CPXM2: variants seen among roughly 807,000 people sequenced by gnomAD.
The protein encoded by CPXM2 is carboxypeptidase X, M14 family member 2.
Under a neutral mutation model 86.1 loss-of-function variants are expected in CPXM2, and 66 were observed. The ratio of observed to expected loss-of-function variants is 0.77; its 90% CI spans 0.63 to 0.94. CPXM2 has a LOEUF of 0.94. CPXM2 is among the 40% of genes least tolerant of loss of function. The probability of loss-of-function intolerance (pLI) is 0.00; values close to 1 mark genes in which losing one functional copy is unlikely to be tolerated. For missense variants in CPXM2, 948 were observed against 1,026.3 expected, an observed-to-expected ratio of 0.92 and a Z score of 1.04; for synonymous variants, 388 against 400.2, an observed-to-expected ratio of 0.97 and a Z score of 0.36.
intron 2 of CPXM2, among the ~76,000 whole-genome samples, chr10:123,863,656 A>T (rs929198203): frequency 6.6e-6 from 1 of 152,158 alleles, no homozygotes; most frequent in African/African-American, 2.4e-5. Context: ...CTCACACGAC[A>T]TACTCAGAAA....
intron 2 of CPXM2, among the ~76,000 whole-genome samples, chr10:123,863,457 C>T (rs1254927661): frequency 6.6e-6 from 1 of 152,194 alleles, no homozygotes; most frequent in Non-Finnish European, 1.5e-5. Flanking sequence ...GCCAACCACC[C>T]GAGGCTGACC....
chr10:123,794,757 G>GCA (rs1847289560), intron 6 of CPXM2, among the ~76,000 whole-genome samples: 3 of 150,950 alleles, frequency 2.0e-5, no homozygotes, highest in South Asian at 2.1e-4. Flanking sequence ...GTGTGTGTGT[G>GCA]TGTGTGTGTG....
intron 4 of CPXM2, among the ~76,000 whole-genome samples, chr10:123,828,887 T>C (rs1289284532): frequency 6.6e-6 from 1 of 152,220 alleles, no homozygotes; most frequent in Non-Finnish European, 1.5e-5. Context: ...TTTAAAACTT[T>C]TGCTCTGCAA....
intron 6 of CPXM2, among the ~76,000 whole-genome samples, chr10:123,795,612 T>A (rs1324064983): frequency 2.0e-5 from 3 of 152,060 alleles, no homozygotes; most frequent in African/African-American, 7.2e-5. Context: ...TTTGGGCCCC[T>A]GAGCTGCCCC....
At chr10:123,855,148 C>T (rs1848692991) in intron 3 of CPXM2, among the ~76,000 whole-genome samples, 1 of 151,906 alleles carries the variant, frequency 6.6e-6, no homozygotes, top group Admixed American at 6.6e-5. Context: ...TCCAAATACC[C>T]AAAATTCCAG....
intron 2 of CPXM2, among the ~76,000 whole-genome samples, chr10:123,872,988 G>C (rs1944917847): frequency 6.6e-6 from 1 of 151,540 alleles, no homozygotes; most frequent in African/African-American, 2.4e-5. Flanking sequence ...AGGCCAAATA[G>C]CAAGAAAACT....
intron 7 of CPXM2, among the ~76,000 whole-genome samples, chr10:123,779,935 A>C (rs1846893658): frequency 6.6e-6 from 1 of 152,208 alleles, no homozygotes; most frequent in African/African-American, 2.4e-5. Context: ...AACTGAGAAG[A>C]ACCTGGATTC....
At position 123,767,074 on chromosome 10, in the gene CPXM2, T is replaced by C. The variant is rs1368427272; in HGVS notation, c.1378A>G (p.Asn460Asp). The change falls in exon 10 of 14, where the codon AAC becomes GAC. Residue 460 changes from asparagine (N) to aspartate (D), a missense_variant. Coordinates refer to ENST00000241305, the MANE Select transcript of CPXM2 (RefSeq NM_198148.3). ...IDINNNFPDL[N>D]TLLWEAEDRQ... ...TCCTCTGCCTCCCAGAGCAGCGTGT[T>C]TAAATCAGGAAAGTTGTTGTTGATG... 4 of 1,614,154 alleles carry C rather than the reference T, an allele frequency of 2.5e-6. No individual in the cohort carries two copies. Among genetic ancestry groups the C allele is most frequent in the Non-Finnish European group, 1.7e-6 (2 of 1,180,012 alleles).
At chr10:123,756,390 T>G (rs1229932001) in intron 12 of CPXM2, among the ~76,000 whole-genome samples, 1 of 152,234 alleles carries the variant, frequency 6.6e-6, no homozygotes, top group Non-Finnish European at 1.5e-5. Context: ...AAGATGGATG[T>G]GTCCTTGACA....
rs1200559599 is a variant in CPXM2, at chr10:123,767,124, C to A, written c.1328G>T (p.Gly443Val). The A allele has an allele frequency of 1.9e-6, 3 of 1,613,998 alleles. No individual in the cohort carries two copies. Among genetic ancestry groups the A allele is most frequent in the South Asian group, 2.2e-5 (2 of 91,084 alleles). Residue 443 changes from glycine to valine, a missense_variant, in exon 10 of 14, where the codon GGA (glycine) becomes GTA (valine). By Grantham distance (109) the Gly-to-Val change is moderately radical (BLOSUM62 -3). Coordinates refer to ENST00000241305, the MANE Select transcript of CPXM2 (RefSeq NM_198148.3). Reference protein sequence around the residue: ...GGSELGGWSLGRWTHDGIDIN... With the variant: ...GGSELGGWSLVRWTHDGIDIN... Reference sequence around the variant, plus strand: ...GTCAATTCCATCGTGGGTCCAGCGTCCCAGGGACCAGCCTCCCAGCTCCGA... The same window carrying A: ...GTCAATTCCATCGTGGGTCCAGCGTACCAGGGACCAGCCTCCCAGCTCCGA...
At chr10:123,824,888 G>A (rs1848014164) in intron 4 of CPXM2, among the ~76,000 whole-genome samples, 1 of 152,198 alleles carries the variant, frequency 6.6e-6, no homozygotes, top group East Asian at 1.9e-4. Context: ...CAGGGACTCA[G>A]GCATTCAACT....
intron 9 of CPXM2, 110 bp downstream of exon 9, chr10:123,768,416 T>C (rs1220539729): frequency 4.1e-6 from 2 of 486,152 alleles, no homozygotes; most frequent in Non-Finnish European, 6.4e-6. Flanking sequence ...AATAAATAAA[T>C]AAATAAAGCT....
chr10:123,791,992 C>A (rs1032366741), intron 6 of CPXM2, among the ~76,000 whole-genome samples: 1 of 152,178 alleles, frequency 6.6e-6, no homozygotes, highest in Non-Finnish European at 1.5e-5. Context: ...TCTGTGGTTC[C>A]CCGTGTGACC....
chr10:123,924,993 C>A, intron 2 of CPXM2, among the ~76,000 whole-genome samples: 2 of 151,812 alleles, frequency 1.3e-5, no homozygotes, highest in South Asian at 2.1e-4. Flanking sequence ...GGAACAGAGA[C>A]CAAATACATA....
rs138360738 is a variant in CPXM2 at position 123,816,438 on chromosome 10, T to C, written c.654-17239A>G. On this transcript the variant is annotated intron_variant, in intron 4 of 13. Transcript: ENST00000241305. ...AAACAGTATCGCATTCCTGGAGGGA[T>C]TGCAGAGATTAGCGCCGCCATCAAG... Among the ~76,000 whole-genome samples the C allele has an allele frequency of 8.9e-3, 1,353 of 152,296 alleles. 19 individuals carry two copies. Among genetic ancestry groups the C allele is most frequent in the African/African-American group, 0.03 (1,260 of 41,554 alleles).
chr10:123,791,272 T>C (rs924696696), intron 6 of CPXM2, among the ~76,000 whole-genome samples: 4 of 152,056 alleles, frequency 2.6e-5, no homozygotes, highest in Non-Finnish European at 5.9e-5. Context: ...CAAAATTAGC[T>C]GGGTGTGGTG....
At chr10:123,777,875 G>A (rs1448574551) in intron 7 of CPXM2, 2 of 152,050 alleles carry the variant, frequency 1.3e-5, no homozygotes, top group Non-Finnish European at 2.9e-5. Context: ...AAAATGACAG[G>A]GTCTCTTCCC....
chr10:123,876,438 A>G lies in CPXM2; in HGVS notation c.403+3773T>C, dbSNP rs1407174575. On this transcript the variant is annotated intron_variant, in intron 2 of 13. Transcript: ENST00000241305. Reference sequence around the variant, plus strand: ...TATGAGAAAGGAGGGAACCAGCACCATAAGAAAGAAGCATGGGAAACTAAA... The same window carrying G: ...TATGAGAAAGGAGGGAACCAGCACCGTAAGAAAGAAGCATGGGAAACTAAA... Among the ~76,000 whole-genome samples the G allele has an allele frequency of 5.3e-5, 8 of 152,334 alleles. 1 individual carries two copies. Among genetic ancestry groups the G allele is most frequent in the Admixed American group, 3.9e-4 (6 of 15,312 alleles).
At chr10:123,817,770 C>G (rs1847843668) in intron 4 of CPXM2, among the ~76,000 whole-genome samples, 1 of 152,264 alleles carries the variant, frequency 6.6e-6, no homozygotes, top group East Asian at 1.9e-4. Context: ...GAAGAGAAGA[C>G]TTGGGCCTGG....
Sources: gnomAD v4.1 joint callset for allele counts (sites outside exome capture counted in the v4.1 genomes callset) on GRCh38, gnomAD v4.1.1 for gene constraint, MANE v1.5 for transcripts, NCBI Gene and HGNC (gene_info 2026-07-23, HGNC 2026-07-21) for gene names.